Variants in ESRRG observed in about 807,000 individuals in gnomAD.
ESRRG encodes estrogen-related receptor gamma.
A neutral mutation model predicts 44.0 loss-of-function variants in ESRRG; 13 were observed. The ratio of observed to expected loss-of-function variants is 0.30; its 90% confidence interval spans 0.19 to 0.47. ESRRG has a LOEUF of 0.47. Among genes scored for constraint, ESRRG ranks in the 20% least tolerant of loss-of-function variants. The pLI is 1.00. For synonymous variants in ESRRG, 215 were observed against 214.6 expected, an observed-to-expected ratio of 1.00 and a Z score of -0.02; for missense variants, 395 against 580.6, an observed-to-expected ratio of 0.68 and a Z score of 3.29.
intron 2 of ESRRG, among the ~76,000 whole-genome samples, chr1:216,873,685 G>A (rs1559941901): frequency 6.6e-6 from 1 of 151,430 alleles, no homozygotes; most frequent in African/African-American, 2.4e-5. Flanking sequence ...AGTGCAAGGA[G>A]AGAGACAGAG....
intron 5 of ESRRG, among the ~76,000 whole-genome samples, chr1:216,519,837 A>C (rs990787520): frequency 1.4e-5 from 2 of 148,052 alleles, no homozygotes; most frequent in Admixed American, 1.3e-4. Context: ...AAGAAGAAGA[A>C]GGAGAAGAAG....
At chr1:216,963,406 A>C (rs1249348825) in intron 1 of ESRRG, among the ~76,000 whole-genome samples, 1 of 152,152 alleles carries the variant, frequency 6.6e-6, no homozygotes, top group Non-Finnish European at 1.5e-5. Context: ...ACCCGGGATA[A>C]AAATAATTGG....
chr1:216,558,646 AT>A (rs367624994), intron 5 of ESRRG, among the ~76,000 whole-genome samples: 2,417 of 151,828 alleles, frequency 0.016, 58 homozygotes, highest in East Asian at 0.06. Context: ...ATTTGCATGT[AT>A]TTTTTTTCCT....
intron 2 of ESRRG, among the ~76,000 whole-genome samples, chr1:216,868,366 G>T (rs926524764): frequency 3.9e-5 from 6 of 152,078 alleles, no homozygotes; most frequent in Non-Finnish European, 8.8e-5. Context: ...GGGATTACGG[G>T]ATCCTGTGTG....
chr1:216,938,592 C>T (rs1442153688), intron 2 of ESRRG, among the ~76,000 whole-genome samples: 1 of 152,178 alleles, frequency 6.6e-6, no homozygotes, highest in Non-Finnish European at 1.5e-5. Flanking sequence ...GTGCCATTTT[C>T]CACACTGAAG....
chr1:216,515,032 C>T (rs1480030830), intron 6 of ESRRG, among the ~76,000 whole-genome samples: 1 of 151,674 alleles, frequency 6.6e-6, no homozygotes, highest in African/African-American at 2.4e-5. Flanking sequence ...TGAAACCAAA[C>T]TGGCCACCTT....
At chr1:216,700,500 A>C (rs967916828) in intron 1 of ESRRG, among the ~76,000 whole-genome samples, 1 of 152,176 alleles carries the variant, frequency 6.6e-6, no homozygotes, top group Admixed American at 6.5e-5. Flanking sequence ...ATACACAAAC[A>C]CACACACTTA....
intron 1 of ESRRG, among the ~76,000 whole-genome samples, chr1:216,980,663 T>C (rs1480997958): frequency 6.6e-6 from 1 of 152,106 alleles, no homozygotes; most frequent in Non-Finnish European, 1.5e-5. Context: ...CAAGGGGCTG[T>C]TTCTGTAACC....
chr1:216,713,212 G>T (rs760750134), intron 1 of ESRRG, among the ~76,000 whole-genome samples: 8 of 152,170 alleles, frequency 5.3e-5, no homozygotes, highest in Non-Finnish European at 5.9e-5. Context: ...GAAAATGGCA[G>T]AACTGGGAGA....
At chr1:216,605,860 A>G (rs962139853) in intron 3 of ESRRG, among the ~76,000 whole-genome samples, 1 of 141,738 alleles carries the variant, frequency 7.1e-6, no homozygotes, top group Non-Finnish European at 1.5e-5. Flanking sequence ...AAAAATCAAT[A>G]AAGAGAGCTT....
At chr1:216,996,549 G>A (rs1008424663) in intron 1 of ESRRG, among the ~76,000 whole-genome samples, 4 of 152,064 alleles carry the variant, frequency 2.6e-5, no homozygotes, top group African/African-American at 7.2e-5. Context: ...AAATGAATAA[G>A]TTAAGGTGAG....
At chr1:216,994,213 G>A (rs1184037403) in intron 1 of ESRRG, among the ~76,000 whole-genome samples, 1 of 152,166 alleles carries the variant, frequency 6.6e-6, no homozygotes, top group African/African-American at 2.4e-5. Context: ...GAAGCCACCA[G>A]TTCAAATTTT....
intron 2 of ESRRG, among the ~76,000 whole-genome samples, chr1:216,745,346 G>GTTTGTTTA (rs2091269396): frequency 6.6e-6 from 1 of 151,932 alleles, no homozygotes; most frequent in Non-Finnish European, 1.5e-5. Context: ...TTGTTTGTTT[G>GTTTGTTTA]TTTGTTTATT....
rs148109614 is a variant in ESRRG at position 216,610,263 on chromosome 1, C to T, written c.589+40710G>A. Among the ~76,000 whole-genome samples, 5 of 149,584 alleles carry T rather than the reference C, an allele frequency of 3.3e-5. No homozygotes were observed. In the East Asian group the frequency reaches 7.8e-4, roughly 23 times the overall value. ...AATGTTTCTAAAGATGCTGCCATTG[C>T]CCAAACCAGAATTCCCATTGTTGGC... On this transcript the variant is annotated intron_variant, in intron 3 of 6. Coordinates refer to ENST00000408911, the MANE Select transcript of ESRRG (RefSeq NM_001438.4).
At chr1:216,554,147 G>C (rs1240968770) in intron 5 of ESRRG, among the ~76,000 whole-genome samples, 1 of 151,962 alleles carries the variant, frequency 6.6e-6, no homozygotes, top group Non-Finnish European at 1.5e-5. Flanking sequence ...GACACACTTG[G>C]TACGGTGTTA....
intron 1 of ESRRG, among the ~76,000 whole-genome samples, chr1:217,095,914 TA>T (rs1162372647): frequency 2.0e-5 from 3 of 152,192 alleles, no homozygotes; most frequent in African/African-American, 7.2e-5. Context: ...CACATTTTTT[TA>T]AAGAAGACAT....
intron 2 of ESRRG, among the ~76,000 whole-genome samples, chr1:216,778,627 A>G (rs948245378): frequency 4.0e-5 from 6 of 151,898 alleles, no homozygotes; most frequent in Non-Finnish European, 8.8e-5. Context: ...ACCAGGAAGT[A>G]GTCAACAGGC....
intron 6 of ESRRG, among the ~76,000 whole-genome samples, chr1:216,508,671 C>T (rs1056919191): frequency 1.3e-4 from 20 of 152,258 alleles, no homozygotes; most frequent in Middle Eastern, 3.4e-3. Context: ...GAAACAAACA[C>T]ACATAATTTC....
intron 1 of ESRRG, chr1:216,707,220 T>A (rs979765525): frequency 1.1e-6 from 1 of 924,824 alleles, no homozygotes; most frequent in Non-Finnish European, 1.6e-6. Flanking sequence ...CTGTCTTACA[T>A]GATCTTTAAA....
Sources: gnomAD v4.1 joint callset for allele counts (sites outside exome capture counted in the v4.1 genomes callset) on GRCh38, gnomAD v4.1.1 for gene constraint, MANE v1.5 for transcripts, NCBI Gene and HGNC (gene_info 2026-07-23, HGNC 2026-07-21) for gene names.